The following STK32A variants were observed in gnomAD, a reference collection of about 807,000 sequenced individuals.
The protein encoded by STK32A is serine/threonine-protein kinase 32A.
STK32A carries 41 observed loss-of-function variants against 53.2 expected under a neutral mutation model. The observed-to-expected ratio is 0.77, with a 90% CI of 0.60 to 1.00. The LOEUF is 1.00. Among genes scored for constraint, STK32A ranks in the 50% least tolerant of loss-of-function variants. STK32A has a pLI of 0.00. For missense variants in STK32A, 458 were observed against 485.8 expected, an observed-to-expected ratio of 0.94 and a Z score of 0.54; for synonymous variants, 166 against 162.8, an observed-to-expected ratio of 1.02 and a Z score of -0.15.
intron 4 of STK32A, among the ~76,000 whole-genome samples, chr5:147,304,855 G>C (rs1268460386): frequency 6.6e-6 from 1 of 152,134 alleles, no homozygotes; most frequent in Non-Finnish European, 1.5e-5. Context: ...TTGTGACCTT[G>C]TCCCAGTGTT....
Position 147,323,994 on chromosome 5 carries a change from G to A in STK32A, c.357G>A (p.Lys119=). ...ACCTGCAACAGAACGTCCACTTCAAGGAAGAAACAGTGAAGCTCTTCATCT... is the reference window on the plus strand; with the variant it reads ...ACCTGCAACAGAACGTCCACTTCAAAGAAGAAACAGTGAAGCTCTTCATCT... ...RYHLQQNVHF[K]EETVKLFICE... is the part of the protein sequence containing the mutation. Residue 119 remains lysine (K), a synonymous_variant, in exon 5 of 13, where the codon AAG becomes AAA. Transcript: ENST00000397936. 2 of 1,612,446 alleles carry A rather than the reference G, an allele frequency of 1.2e-6. No individual in the cohort carries two copies. Among genetic ancestry groups the A allele is most frequent in the Non-Finnish European group, 1.7e-6 (2 of 1,179,258 alleles).
chr5:147,326,757 G>C (rs570165362), intron 5 of STK32A, among the ~76,000 whole-genome samples: 1 of 152,094 alleles, frequency 6.6e-6, no homozygotes, highest in Non-Finnish European at 1.5e-5. Context: ...TCCAAACCAG[G>C]ATACTCTGAG....
At chr5:147,400,022 T>A in the STK32A span, among the ~76,000 whole-genome samples, 5,837 of 152,056 alleles carry the variant, frequency 0.038, 388 homozygotes, top group African/African-American at 0.13. Context: ...TGTAGATTAA[T>A]GAGGCTTTAG....
rs572903432 is a variant in STK32A, at chr5:147,250,967, C to A, written c.52+11281C>A. ...AAAAAAAAAAAAAAAAAAAAGAATGCAGATATGGCAAGTATAGACAAGCTT... is the reference window on the plus strand; with the variant it reads ...AAAAAAAAAAAAAAAAAAAAGAATGAAGATATGGCAAGTATAGACAAGCTT... On this transcript the variant is annotated intron_variant, in intron 2 of 12. Coordinates refer to ENST00000397936, the MANE Select transcript of STK32A (RefSeq NM_001112724.2). 6.7e-4 allele frequency among the ~76,000 whole-genome samples: 98 copies of A among 147,304 alleles called. 1 individual carries two copies. The South Asian group carries it at 8.3e-3, about 13-fold the overall frequency.
chr5:147,344,130 G>A (rs925967896), intron 6 of STK32A, among the ~76,000 whole-genome samples: 1 of 152,172 alleles, frequency 6.6e-6, no homozygotes, highest in African/African-American at 2.4e-5. Flanking sequence ...GATGAGGAGA[G>A]TCCTAGATCT....
intron 1 of STK32A, 143 bp downstream of exon 1, chr5:147,235,342 C>A (rs1307546538): frequency 6.6e-6 from 1 of 152,352 alleles, no homozygotes; most frequent in Non-Finnish European, 1.5e-5. Flanking sequence ...AGGCTAGGGC[C>A]AATTCCAGCT....
In STK32A at chr5:147,279,162, A is replaced by G. The variant is rs1751913416; in HGVS notation, c.109-85A>G. The G allele has an allele frequency of 2.3e-6, 3 of 1,307,444 alleles. No homozygotes were observed. The South Asian group carries it at 6.1e-5, about 26-fold the overall frequency. 81.0% of individuals were successfully genotyped at this position (1,307,444 alleles called of 1,614,324 possible). Reference sequence around the variant, plus strand: ...TGCAAATGTTAAGGATCCAAGCCACAGCAAAGAACATGTCTTGTTCTGTCT... The same window carrying G: ...TGCAAATGTTAAGGATCCAAGCCACGGCAAAGAACATGTCTTGTTCTGTCT... On this transcript the variant is annotated intron_variant, in intron 3 of 12. Transcript: ENST00000397936.
chr5:147,266,151 C>T, intron 2 of STK32A, among the ~76,000 whole-genome samples: 1 of 152,150 alleles, frequency 6.6e-6, no homozygotes, highest in East Asian at 1.9e-4. Context: ...CCCTCTGACT[C>T]CCACTGTTAA....
At chr5:147,328,828 TTC>T (rs1292041844) in intron 5 of STK32A, among the ~76,000 whole-genome samples, 1 of 152,156 alleles carries the variant, frequency 6.6e-6, no homozygotes, top group African/African-American at 2.4e-5. Flanking sequence ...AAAGACAAAT[TTC>T]TGTTTACTCC....
downstream of STK32A, among the ~76,000 whole-genome samples, chr5:147,389,766 G>A (rs1757753659): frequency 6.6e-6 from 1 of 152,134 alleles, no homozygotes. Flanking sequence ...AGCTACTCAG[G>A]AGACTGAGAC....
chr5:147,336,653 A>C (rs575990233), intron 5 of STK32A, among the ~76,000 whole-genome samples: 6 of 152,186 alleles, frequency 3.9e-5, no homozygotes, highest in Non-Finnish European at 8.8e-5. Context: ...GTACAATCTT[A>C]GGAGGATGAT....
chr5:147,318,664 T>C (rs1754137379), intron 4 of STK32A, among the ~76,000 whole-genome samples: 1 of 151,276 alleles, frequency 6.6e-6, no homozygotes, highest in Non-Finnish European at 1.5e-5. Flanking sequence ...TAGTCCCAGA[T>C]ACCCAGGAGG....
intron 4 of STK32A, among the ~76,000 whole-genome samples, chr5:147,307,955 G>A (rs1021948994): frequency 6.6e-6 from 1 of 151,980 alleles, no homozygotes; most frequent in African/African-American, 2.4e-5. Context: ...TGGATTTTCA[G>A]TAATTCATCT....
chr5:147,289,281 C>T (rs1345537024), intron 4 of STK32A, among the ~76,000 whole-genome samples: 4 of 152,104 alleles, frequency 2.6e-5, no homozygotes, highest in African/African-American at 9.7e-5. Context: ...ATCTTTACCA[C>T]CCGAAAGCAT....
chr5:147,281,116 G>T (rs988305374), intron 4 of STK32A, among the ~76,000 whole-genome samples: 2 of 152,174 alleles, frequency 1.3e-5, no homozygotes, highest in Non-Finnish European at 2.9e-5. Context: ...CACCCAGTGG[G>T]ACGAAAGAGT....
At chr5:147,235,657 T>C (rs1048967808) in intron 1 of STK32A, among the ~76,000 whole-genome samples, 5 of 152,336 alleles carry the variant, frequency 3.3e-5, no homozygotes, top group South Asian at 4.1e-4. Flanking sequence ...AGAAGTATGA[T>C]GGCAGATAGA....
the STK32A span, chr5:147,393,893 T>C: frequency 1.2e-6 from 1 of 816,518 alleles, no homozygotes; most frequent in Non-Finnish European, 2.0e-6. Flanking sequence ...AGCGTAACAT[T>C]GGAGAAACAT....
chr5:147,261,919 G>A (rs1014499424), intron 2 of STK32A, among the ~76,000 whole-genome samples: 10 of 152,258 alleles, frequency 6.6e-5, no homozygotes, highest in South Asian at 4.1e-4. Flanking sequence ...CATCCTCAGC[G>A]ATTCATAGTT....
At chr5:147,296,253 A>G (rs1235617813) in intron 4 of STK32A, among the ~76,000 whole-genome samples, 3 of 152,316 alleles carry the variant, frequency 2.0e-5, no homozygotes, top group South Asian at 2.1e-4. Context: ...CAAAAGGGAA[A>G]GTTTATTTTA....
Sources: gnomAD v4.1 joint callset for allele counts (sites outside exome capture counted in the v4.1 genomes callset) on GRCh38, gnomAD v4.1.1 for gene constraint, MANE v1.5 for transcripts, NCBI Gene and HGNC (gene_info 2026-07-23, HGNC 2026-07-21) for gene names.